Variants in SYK observed in about 807,000 individuals in gnomAD.
SYK encodes the protein spleen associated tyrosine kinase.
A neutral mutation model predicts 77.8 loss-of-function variants in SYK; 16 were observed. That is an observed-to-expected ratio of 0.21 (90% CI 0.14 to 0.31). The LOEUF (loss-of-function observed/expected upper bound fraction) is 0.31, where lower values mean the gene tolerates loss of function less well. Ranked by LOEUF, SYK falls within the 10% of genes least tolerant of loss-of-function variation. SYK has a pLI of 1.00. For missense variants in SYK, 529 were observed against 814.4 expected, an observed-to-expected ratio of 0.65 and a Z score of 4.26; for synonymous variants, 312 against 308.7, an observed-to-expected ratio of 1.01 and a Z score of -0.11.
intron 1 of SYK, among the ~76,000 whole-genome samples, chr9:90,836,273 C>T (rs1181908930): frequency 2.2e-5 from 3 of 136,962 alleles, no homozygotes; most frequent in South Asian, 2.3e-4. Context: ...GGCAACAGAG[C>T]GAGACTTCAT....
intron 13 of SYK, among the ~76,000 whole-genome samples, chr9:90,889,927 T>C (rs1209227672): frequency 2.6e-5 from 4 of 152,232 alleles, no homozygotes; most frequent in Admixed American, 2.0e-4. Flanking sequence ...CGTGGCAGCC[T>C]ATGACCCTTT....
intron 1 of SYK, among the ~76,000 whole-genome samples, chr9:90,814,466 T>C (rs1046588778): frequency 3.3e-5 from 5 of 152,158 alleles, no homozygotes; most frequent in Non-Finnish European, 7.3e-5. Flanking sequence ...CACACGTGGG[T>C]GGAAGGTGTG....
intron 1 of SYK, among the ~76,000 whole-genome samples, chr9:90,807,571 C>CT (rs1276573260): frequency 6.6e-6 from 1 of 152,200 alleles, no homozygotes; most frequent in Non-Finnish European, 1.5e-5. Flanking sequence ...GTCAGAGCCT[C>CT]TCCCAGGCGG....
intron 11 of SYK, among the ~76,000 whole-genome samples, chr9:90,885,912 C>A (rs1017391868): frequency 6.6e-6 from 1 of 152,100 alleles, no homozygotes. Context: ...TACTGCCACC[C>A]AAGGAGACCA....
intron 1 of SYK, among the ~76,000 whole-genome samples, chr9:90,816,437 C>T (rs894715853): frequency 2.0e-5 from 3 of 152,178 alleles, no homozygotes; most frequent in Non-Finnish European, 4.4e-5. Flanking sequence ...ACACGTCTGC[C>T]ACCTCTGAGA....
At chr9:90,830,699 C>G (rs1227764797) in intron 1 of SYK, among the ~76,000 whole-genome samples, 1 of 151,782 alleles carries the variant, frequency 6.6e-6, no homozygotes, top group African/African-American at 2.4e-5. Context: ...CATTCTCCTG[C>G]CTCAGCCTCC....
At chr9:90,893,247 T>TGTATATATGGGGTTTTTTAAGCCCTC (rs747265818) in intron 13 of SYK, among the ~76,000 whole-genome samples, 76 of 152,296 alleles carry the variant, frequency 5.0e-4, no homozygotes, top group Non-Finnish European at 9.3e-4. Flanking sequence ...GGATATCACG[T>TGTATATATGGGGTTTTTTAAGCCCTC]GTATATATGG....
intron 1 of SYK, among the ~76,000 whole-genome samples, chr9:90,817,983 T>C (rs1386758339): frequency 6.6e-6 from 1 of 152,152 alleles, no homozygotes; most frequent in African/African-American, 2.4e-5. Flanking sequence ...CAGTCTCCTC[T>C]CTTCAACACT....
Position 90,844,146 on chromosome 9 carries a change from C to T in SYK, c.248C>T (p.Ala83Val), listed in dbSNP as rs2118634947. The change falls in exon 2 of 14, where the codon GCC (alanine) becomes GTC (valine). Residue 83 changes from alanine (A) to valine (V), a missense_variant. Ala to Val is a moderately conservative substitution (Grantham distance 64). This residue lies in a region of SYK where 321 missense variants were observed against 433.1 expected (regional missense o/e 0.74). Transcript: ENST00000375754. Reference protein sequence around the residue: ...TYAIAGGRTHASPADLCHYHS... With the variant: ...TYAIAGGRTHVSPADLCHYHS... ...GCCATCGCCGGTGGCAGGACCCATG[C>T]CAGCCCCGCCGACCTCTGCCACTAC... 1 of 1,614,066 alleles carries T rather than the reference C, an allele frequency of 6.2e-7. No individual in the cohort carries two copies. Among genetic ancestry groups the T allele is most frequent in the Non-Finnish European group, 8.5e-7 (1 of 1,179,970 alleles).
intron 13 of SYK, among the ~76,000 whole-genome samples, chr9:90,889,302 T>G (rs531116609): frequency 6.6e-6 from 1 of 152,334 alleles, no homozygotes; most frequent in East Asian, 1.9e-4. Context: ...TGTGCGTGCA[T>G]AGCACGGTGA....
chr9:90,869,532 T>C (rs1827647105), intron 7 of SYK, among the ~76,000 whole-genome samples: 1 of 152,222 alleles, frequency 6.6e-6, no homozygotes, highest in Non-Finnish European at 1.5e-5. Flanking sequence ...AACTTTCCAT[T>C]ATGTAATCAG....
intron 1 of SYK, among the ~76,000 whole-genome samples, chr9:90,838,971 G>A (rs567255709): frequency 1.1e-4 from 16 of 152,338 alleles, no homozygotes; most frequent in East Asian, 9.6e-4. Context: ...TGCCACAGCC[G>A]TGGCCAAGAC....
intron 1 of SYK, among the ~76,000 whole-genome samples, chr9:90,822,651 C>T (rs527489706): frequency 2.6e-5 from 4 of 152,326 alleles, no homozygotes; most frequent in African/African-American, 9.6e-5. Context: ...AGGCGGTCCT[C>T]CTGGGTCCCA....
intron 3 of SYK, among the ~76,000 whole-genome samples, chr9:90,846,315 C>G (rs545391808): frequency 5.9e-5 from 9 of 152,296 alleles, no homozygotes; most frequent in African/African-American, 1.9e-4. Context: ...AAATGATCCC[C>G]TGGTCACCTC....
At chr9:90,832,577 G>T (rs944763880) in intron 1 of SYK, among the ~76,000 whole-genome samples, 1 of 152,146 alleles carries the variant, frequency 6.6e-6, no homozygotes, top group Non-Finnish European at 1.5e-5. Context: ...CTCTATTTTA[G>T]CTCCACGTAC....
intron 1 of SYK, among the ~76,000 whole-genome samples, chr9:90,817,646 G>C (rs1825335321): frequency 6.6e-6 from 1 of 152,042 alleles, no homozygotes; most frequent in Non-Finnish European, 1.5e-5. Context: ...CTGTGTGTGT[G>C]GACATGCCTT....
chr9:90,837,200 T>C (rs937363610), intron 1 of SYK, among the ~76,000 whole-genome samples: 1 of 152,086 alleles, frequency 6.6e-6, no homozygotes, highest in Non-Finnish European at 1.5e-5. Context: ...GTCAGTTGTA[T>C]ATTCACTGTG....
intron 1 of SYK, among the ~76,000 whole-genome samples, chr9:90,808,423 G>A (rs144131478): frequency 6.7e-6 from 1 of 150,370 alleles, no homozygotes; most frequent in East Asian, 1.9e-4. Flanking sequence ...CCTGCTGTCA[G>A]CTTTCCTGAT....
chr9:90,810,164 G>A (rs563696906), intron 1 of SYK, among the ~76,000 whole-genome samples: 19 of 152,216 alleles, frequency 1.2e-4, no homozygotes, highest in Admixed American at 1.1e-3. Flanking sequence ...CATACTGAAC[G>A]GCTTGAACAG....
Sources: allele counts gnomAD v4.1 joint callset (sites outside exome capture counted in the v4.1 genomes callset), GRCh38; gene constraint gnomAD v4.1.1; regional missense constraint gnomAD v4.1.1; transcripts MANE v1.5; gene names NCBI Gene and HGNC (gene_info 2026-07-23, HGNC 2026-07-21).